Variants in NIN observed in about 807,000 individuals in gnomAD.
NIN encodes the protein glycogen synthase kinase 3 beta-interacting protein.
In NIN, 137 loss-of-function variants were observed where a neutral mutation model predicts 257.6. The ratio of observed to expected loss-of-function variants is 0.53; its 90% CI spans 0.46 to 0.61. NIN has a LOEUF of 0.61. Among genes scored for constraint, NIN ranks in the 20% least tolerant of loss-of-function variants. The pLI, the probability that NIN is intolerant of heterozygous loss-of-function variation, is 0.00. For missense variants in NIN, 2,439 were observed against 2,501.2 expected, an observed-to-expected ratio of 0.98 and a Z score of 0.53; for synonymous variants, 918 against 919.8, an observed-to-expected ratio of 1.00 and a Z score of 0.04.
intron 28 of NIN, among the ~76,000 whole-genome samples, chr14:50,730,011 T>C (rs1456339162): frequency 6.6e-6 from 1 of 152,142 alleles, no homozygotes; most frequent in African/African-American, 2.4e-5. Flanking sequence ...ATAATACATG[T>C]GAATTCTATT....
Position 50,729,685 on chromosome 14 carries a change from G to C in NIN, c.5916C>G (p.Ser1972=). 1 of 1,612,788 alleles carries C rather than the reference G, an allele frequency of 6.2e-7. No individual in the cohort carries two copies. The highest frequency in any genetic ancestry group is 1.7e-5 in the Admixed American group (1 of 59,900). ...GCAGCTGCAAATCCCAAGCATGAGGGGACGGGCTAGGCGTCGCAGTGGACC... is the reference window on the plus strand; with the variant it reads ...GCAGCTGCAAATCCCAAGCATGAGGCGACGGGCTAGGCGTCGCAGTGGACC... ...HLRSTATPSP[S]PHAWDLQLLQ... is the part of the protein sequence containing the mutation. Residue 1972 remains serine (S), a synonymous_variant, in exon 29 of 31, where the codon TCC becomes TCG. Coordinates refer to ENST00000530997, the MANE Select transcript of NIN (RefSeq NM_020921.4).
intron 5 of NIN, among the ~76,000 whole-genome samples, chr14:50,786,634 TA>T (rs535160610): frequency 1.5e-3 from 221 of 143,846 alleles, no homozygotes; most frequent in Non-Finnish European, 1.7e-3. Flanking sequence ...GGAATTCCAT[TA>T]AAAAAAAAAA....
chr14:50,726,317 T>G (rs926914914), intron 29 of NIN: 1 of 403,096 alleles, frequency 2.5e-6, no homozygotes, highest in African/African-American at 2.0e-5. Flanking sequence ...CCCCCTGATA[T>G]AAAGCAAAAT....
At chr14:50,771,517 T>A in intron 9 of NIN, 49 bp from the exon 10 acceptor site, 1 of 1,600,788 alleles carries the variant, frequency 6.2e-7, no homozygotes. Context: ...ACTCATTCCA[T>A]CCTCTGAAAG....
At chr14:50,769,514 TAG>T (rs1426097010) in intron 12 of NIN, among the ~76,000 whole-genome samples, 1 of 151,948 alleles carries the variant, frequency 6.6e-6, no homozygotes, top group East Asian at 1.9e-4. Flanking sequence ...TTTTTTCTTT[TAG>T]ATCCAGAGTC....
chr14:50,753,382 A>T (rs1373673158), intron 20 of NIN, among the ~76,000 whole-genome samples: 2 of 152,216 alleles, frequency 1.3e-5, no homozygotes, highest in East Asian at 3.8e-4. Flanking sequence ...CCTGGGCAAC[A>T]AGAGCGAAAC....
At chr14:50,751,142 TA>T (rs995665844) in intron 21 of NIN, among the ~76,000 whole-genome samples, 8 of 152,050 alleles carry the variant, frequency 5.3e-5, no homozygotes, top group African/African-American at 1.9e-4. Flanking sequence ...GGTATGGACA[TA>T]ACCCCCACAT....
chr14:50,729,568 C>T lies in NIN; in HGVS notation c.6033G>A (p.Leu2011=), dbSNP rs770910288. 6 of 1,614,084 alleles carry T rather than the reference C, an allele frequency of 3.7e-6. No homozygotes were observed. Among genetic ancestry groups the T allele is most frequent in the Non-Finnish European group, 4.2e-6 (5 of 1,179,992 alleles). ...AGGTCCTGTTTTCAAGTTCCTCCTG[C>T]AGGTGCTGGTTTATCCTTTCTGCCT... ...LLQAERINQH[L]QEELENRTSE... Residue 2011 remains leucine, a synonymous_variant, in exon 29 of 31, where the codon CTG becomes CTA. Transcript: ENST00000530997.
chr14:50,758,379 TTCTC>T lies in NIN; in HGVS notation c.2647_2650del (p.Glu883LysfsTer7). 1 of 1,614,122 alleles carries T rather than the reference TTCTC, an allele frequency of 6.2e-7. No homozygotes were observed. The highest frequency in any genetic ancestry group is 8.5e-7 in the Non-Finnish European group (1 of 1,179,930). ...CTGGGTCAGGACCAGAGAAGTTGTT[TTCTC>T]TCTCTTAAGAGTCTCTTTCAGCAGC... On this transcript the variant is annotated frameshift_variant, in exon 18 of 31. Coordinates refer to ENST00000530997, the MANE Select transcript of NIN (RefSeq NM_020921.4). LOFTEE classifies it high-confidence loss of function.
intron 3 of NIN, 137 bp downstream of exon 3, chr14:50,821,737 C>G (rs1472185684): frequency 4.2e-6 from 3 of 710,492 alleles, no homozygotes; most frequent in Non-Finnish European, 7.3e-6. Context: ...ATGTCACACC[C>G]ATTACATTCT....
intron 3 of NIN, among the ~76,000 whole-genome samples, chr14:50,808,427 C>G (rs572456237): frequency 1.6e-4 from 24 of 152,250 alleles, no homozygotes; most frequent in Admixed American, 8.5e-4. Flanking sequence ...TCAGGGAAGC[C>G]AGGAACAGGG....
intron 3 of NIN, among the ~76,000 whole-genome samples, chr14:50,809,398 A>G (rs1012871353): frequency 5.9e-5 from 9 of 152,140 alleles, no homozygotes; most frequent in Non-Finnish European, 1.2e-4. Context: ...CCAGTTTGCT[A>G]TATTTAGGGA....
rs778247502 is a variant in NIN, at chr14:50,744,197, G to A, written c.5187+46C>T. ...TGTCCACAGAGAAAGGTTCATTATGGTGTGTATTGTATACGATGATGGTAA... is the reference window on the plus strand; with the variant it reads ...TGTCCACAGAGAAAGGTTCATTATGATGTGTATTGTATACGATGATGGTAA... On this transcript the variant is annotated intron_variant, in intron 23 of 30. Transcript: ENST00000530997. 7.5e-6 allele frequency: 12 copies of A among 1,601,478 alleles called. No homozygotes were observed. In the African/African-American group the frequency reaches 8.1e-5, roughly 11 times the overall value.
chr14:50,818,617 C>G (rs2045047359), intron 3 of NIN, among the ~76,000 whole-genome samples: 1 of 152,134 alleles, frequency 6.6e-6, no homozygotes, highest in Non-Finnish European at 1.5e-5. Flanking sequence ...CTGACAGGTG[C>G]TTAACTGATG....
In NIN at chr14:50,758,344, T is replaced by G; in HGVS notation, c.2686A>C (p.Met896Leu). ...TSLVLTQERE[M>L]LEKTYKEHLN... ...TGTTCTTTGTATGTTTTCTCCAGCA[T>G]CTCTCTCTCCTGGGTCAGGACCAGA... Residue 896 changes from methionine to leucine, a missense_variant, in exon 18 of 31, where the codon ATG becomes CTG. Transcript: ENST00000530997. The G allele has an allele frequency of 6.2e-7, 1 of 1,614,226 alleles. No individual in the cohort carries two copies. Among genetic ancestry groups the G allele is most frequent in the Non-Finnish European group, 8.5e-7 (1 of 1,180,014 alleles).
At chr14:50,797,260 A>T (rs536308902) in intron 4 of NIN, among the ~76,000 whole-genome samples, 94 of 152,292 alleles carry the variant, frequency 6.2e-4, no homozygotes, top group Middle Eastern at 3.4e-3. Context: ...CCCAAAAATG[A>T]CCTGAGGCCA....
chr14:50,720,476 C>T lies in NIN; in HGVS notation c.*2987G>A, dbSNP rs2040250024. 4.8e-6 allele frequency: 1 copy of T among 210,374 alleles called. No individual in the cohort carries two copies. The highest frequency in any genetic ancestry group is 9.7e-6 in the Non-Finnish European group (1 of 103,288). 13.0% of individuals were successfully genotyped at this position (210,374 alleles called of 1,614,324 possible). A position where few individuals can be genotyped will look rare whatever the true frequency, so the allele number is the denominator to read the frequency against. The stretch of plus-strand genomic sequence containing the variant: ...GAAACAGTTTCTCATAATATCTGCC[C>T]TGGGTAATAGTGCATTATTAAAATA... On this transcript the variant is annotated 3_prime_UTR_variant, in exon 31 of 31. Coordinates refer to ENST00000530997, the MANE Select transcript of NIN (RefSeq NM_020921.4).
Position 50,758,535 on chromosome 14 carries a change from G to C in NIN, c.2495C>G (p.Ala832Gly), listed in dbSNP as rs750926944. ...GTAGCGCCCCTCCAGGCTTTGCAGA[G>C]CGCTTTCACACCTCTCAGTGACTTT... is the stretch of plus-strand genomic sequence containing the variant. ...CQKVTERCES[A>G]LQSLEGRYRQ... Residue 832 changes from alanine to glycine, a missense_variant, in exon 18 of 31, where the codon GCT (alanine) becomes GGT (glycine). Physicochemically the swap from Ala to Gly is moderately conservative, Grantham distance 60. This residue lies in a region of NIN where 2,043 missense variants were observed against 2,050.2 expected (regional missense o/e 1.00). Coordinates refer to ENST00000530997, the MANE Select transcript of NIN (RefSeq NM_020921.4). 6 of 1,614,022 alleles carry C rather than the reference G, an allele frequency of 3.7e-6. No individual in the cohort carries two copies. In the East Asian group the frequency reaches 1.3e-4, roughly 36 times the overall value.
chr14:50,738,379 G>A, intron 26 of NIN, 93 bp from the exon 27 acceptor site: 3 of 1,082,938 alleles, frequency 2.8e-6, no homozygotes, highest in Non-Finnish European at 4.0e-6. Context: ...TTCAGTACTT[G>A]GGTCCTGTTT....
Sources: allele counts gnomAD v4.1 joint callset (sites outside exome capture counted in the v4.1 genomes callset), GRCh38; gene constraint gnomAD v4.1.1; regional missense constraint gnomAD v4.1.1; transcripts MANE v1.5; gene names NCBI Gene and HGNC (gene_info 2026-07-23, HGNC 2026-07-21).